The following CEACAM5 variants were observed in gnomAD, a reference collection of about 807,000 sequenced individuals.
CEACAM5 encodes CEA cell adhesion molecule 5.
CEACAM5 carries 52 observed loss-of-function variants against 63.0 expected under a neutral mutation model. The ratio of observed to expected loss-of-function variants is 0.83; its 90% CI spans 0.66 to 1.04. The LOEUF is 1.04. CEACAM5 is among the 50% of genes least tolerant of loss of function. The pLI is 0.00. For missense variants in CEACAM5, 790 were observed against 864.8 expected, an observed-to-expected ratio of 0.91 and a Z score of 1.08; for synonymous variants, 357 against 351.3, an observed-to-expected ratio of 1.02 and a Z score of -0.18.
At chr19:41,718,058 C>G (rs868922624) in intron 5 of CEACAM5, 70 bp from the exon 6 acceptor site, 1 of 1,575,196 alleles carries the variant, frequency 6.3e-7, no homozygotes, top group South Asian at 1.2e-5. Context: ...CACTGTTGCC[C>G]TTTCACAGAC....
At chr19:41,725,873 T>C (rs1445076057) in intron 8 of CEACAM5, among the ~76,000 whole-genome samples, 1 of 152,196 alleles carries the variant, frequency 6.6e-6, no homozygotes, top group Admixed American at 6.5e-5. Context: ...TGGTTTGAGG[T>C]GGTTCTTTTT....
chr19:41,709,537 GAC>G (rs71334990), intron 1 of CEACAM5, 141 bp from the exon 2 acceptor site: 114,556 of 1,065,722 alleles, frequency 0.11, 328 homozygotes, highest in East Asian at 0.15. Context: ...GACCTAGTAG[GAC>G]ACACACACAC....
At chr19:41,728,534 C>T (rs1555817414) in intron 9 of CEACAM5, among the ~76,000 whole-genome samples, 3 of 152,146 alleles carry the variant, frequency 2.0e-5, no homozygotes. Flanking sequence ...GTGGCTCACG[C>T]CTATAATCCC....
Position 41,720,943 on chromosome 19 carries a change from T to C in CEACAM5, c.1793T>C (p.Ile598Thr), listed in dbSNP as rs782299888. 9.3e-6 allele frequency: 15 copies of C among 1,613,754 alleles called. No individual in the cohort carries two copies. In the East Asian group the frequency reaches 3.3e-4, roughly 36 times the overall value. ...CCAGATGGGCCGGACACCCCCATCA[T>C]TTCCCCCCCAGACTCGTCTTACCTT... is the stretch of plus-strand genomic sequence containing the variant. ...DVLYGPDTPI[I>T]SPPDSSYLSG... Residue 598 changes from isoleucine to threonine, a missense_variant, in exon 8 of 10, where the codon ATT becomes ACT. Ile to Thr is a moderately conservative substitution (Grantham distance 89). Transcript: ENST00000221992.
intron 8 of CEACAM5, among the ~76,000 whole-genome samples, chr19:41,722,228 G>A (rs1030507950): frequency 1.3e-5 from 2 of 151,820 alleles, no homozygotes; most frequent in African/African-American, 4.8e-5. Context: ...GCTAGGCATG[G>A]TGGTGGGTGC....
rs782583270 is a variant in CEACAM5, at chr19:41,720,936, C to G, written c.1786C>G (p.Pro596Ala). The part of the protein sequence containing the change: ...TLDVLYGPDT[P>A]IISPPDSSYL... Reference sequence around the variant, plus strand: ...CTTTGTTCCAGATGGGCCGGACACCCCCATCATTTCCCCCCCAGACTCGTC... The same window carrying G: ...CTTTGTTCCAGATGGGCCGGACACCGCCATCATTTCCCCCCCAGACTCGTC... Residue 596 changes from proline to alanine, a missense_variant, in exon 8 of 10, where the codon CCC becomes GCC. Physicochemically the swap from Pro to Ala is conservative, Grantham distance 27. Transcript: ENST00000221992. The G allele has an allele frequency of 1.2e-6, 2 of 1,614,064 alleles. No homozygotes were observed. The highest frequency in any genetic ancestry group is 2.2e-5 in the South Asian group (2 of 91,082).
chr19:41,719,454 C>T (rs982764811), intron 6 of CEACAM5, among the ~76,000 whole-genome samples: 1 of 152,184 alleles, frequency 6.6e-6, no homozygotes, highest in Non-Finnish European at 1.5e-5. Context: ...TAGACTTGCT[C>T]CTGGTCTCCT....
intron 8 of CEACAM5, among the ~76,000 whole-genome samples, chr19:41,721,758 A>T (rs1237658200): frequency 6.6e-6 from 1 of 152,210 alleles, no homozygotes; most frequent in Non-Finnish European, 1.5e-5. Flanking sequence ...AATCTGGGTA[A>T]ATCAAGCTGC....
chr19:41,715,950 C>T (rs1555815000), intron 4 of CEACAM5, 46 bp downstream of exon 4: 1 of 1,590,734 alleles, frequency 6.3e-7, no homozygotes, highest in Admixed American at 1.7e-5. Context: ...GAGGTGGAGT[C>T]TGTCTGGTTT....
Position 41,718,122 on chromosome 19 carries a change from C to T in CEACAM5, c.1238-6C>T. On this transcript the variant is annotated splice_region_variant and splice_polypyrimidine_tract_variant and intron_variant, in intron 5 of 9. Coordinates refer to ENST00000221992, the MANE Select transcript of CEACAM5 (RefSeq NM_004363.6). ...TTCACCTGTGGCCCTATTCTCTTTG[C>T]TCCAGATGGCCCAGACGACCCCACC... is the stretch of plus-strand genomic sequence containing the variant. 1 of 1,614,030 alleles carries T rather than the reference C, an allele frequency of 6.2e-7. No homozygotes were observed. The highest frequency in any genetic ancestry group is 8.5e-7 in the Non-Finnish European group (1 of 1,179,898).
At chr19:41,714,783 G>A (rs1011471899) in intron 2 of CEACAM5, among the ~76,000 whole-genome samples, 188 bp from the exon 3 acceptor site, 23 of 152,190 alleles carry the variant, frequency 1.5e-4, no homozygotes, top group African/African-American at 3.1e-4. Flanking sequence ...CCCCCACACC[G>A]AGCAGGCAGC....
In CEACAM5 at chr19:41,720,980, C is replaced by T. The variant is rs782264062; in HGVS notation, c.1830C>T (p.Asn610=). The change falls in exon 8 of 10, where the codon AAC becomes AAT. Residue 610 remains asparagine, a synonymous_variant. Coordinates refer to ENST00000221992, the MANE Select transcript of CEACAM5 (RefSeq NM_004363.6). ...PPDSSYLSGA[N]LNLSCHSASN... Reference sequence around the variant, plus strand: ...ACTCGTCTTACCTTTCGGGAGCGAACCTCAACCTCTCCTGCCACTCGGCCT... The same window carrying T: ...ACTCGTCTTACCTTTCGGGAGCGAATCTCAACCTCTCCTGCCACTCGGCCT... The T allele has an allele frequency of 6.2e-7, 1 of 1,614,070 alleles. No homozygotes were observed. Among genetic ancestry groups the T allele is most frequent in the Non-Finnish European group, 8.5e-7 (1 of 1,180,010 alleles).
intron 8 of CEACAM5, among the ~76,000 whole-genome samples, chr19:41,726,563 C>T (rs1568713412): frequency 6.6e-6 from 1 of 152,056 alleles, no homozygotes; most frequent in African/African-American, 2.4e-5. Context: ...GATAATTTAC[C>T]GGGGGGAACC....
At position 41,720,133 on chromosome 19, in the gene CEACAM5, G is replaced by A. The variant is rs138799075; in HGVS notation, c.1696G>A (p.Ala566Thr). The change falls in exon 7 of 10, where the codon GCA (alanine) becomes ACA (threonine). Residue 566 changes from alanine to threonine, a missense_variant. Ala to Thr is a moderately conservative substitution (Grantham distance 58, BLOSUM62 0). Transcript: ENST00000221992. ...LTLFNVTRND[A>T]RAYVCGIQNS... ...TCTATTCAATGTCACAAGAAATGAC[G>A]CAAGAGCCTATGTATGTGGAATCCA... 307 of 1,614,248 alleles carry A rather than the reference G, an allele frequency of 1.9e-4. No homozygotes were observed. The highest frequency in any genetic ancestry group is 1.7e-3 in the Middle Eastern group (10 of 6,060).
chr19:41,714,872 G>T, intron 2 of CEACAM5, 99 bp from the exon 3 acceptor site: 1 of 1,577,590 alleles, frequency 6.3e-7, no homozygotes, highest in Non-Finnish European at 8.6e-7. Flanking sequence ...TAAGGGCTCA[G>T]GTGGGCTGAG....
chr19:41,722,700 A>G (rs1052051579), intron 8 of CEACAM5, among the ~76,000 whole-genome samples: 12 of 152,234 alleles, frequency 7.9e-5, no homozygotes, highest in African/African-American at 2.4e-4. Flanking sequence ...AGAACATTCC[A>G]TTGTATGGAT....
intron 2 of CEACAM5, among the ~76,000 whole-genome samples, chr19:41,712,881 A>T (rs557174241): frequency 1.3e-5 from 2 of 152,356 alleles, no homozygotes; most frequent in African/African-American, 4.8e-5. Flanking sequence ...ATAACATGAG[A>T]TCTAAACTCC....
chr19:41,720,796 G>C (rs565573309), intron 7 of CEACAM5, 126 bp from the exon 8 acceptor site: 13 of 1,288,744 alleles, frequency 1.0e-5, no homozygotes, highest in African/African-American at 3.0e-5. Context: ...CACCGCACCC[G>C]GCCGATTTGG....
intron 2 of CEACAM5, among the ~76,000 whole-genome samples, chr19:41,713,319 A>G (rs1212004438): frequency 6.6e-6 from 1 of 151,642 alleles, no homozygotes; most frequent in African/African-American, 2.4e-5. Context: ...AAAGAAAAAG[A>G]AAGAAAAGAA....
Sources: gnomAD v4.1 joint callset for allele counts (sites outside exome capture counted in the v4.1 genomes callset) on GRCh38, gnomAD v4.1.1 for gene constraint, MANE v1.5 for transcripts, NCBI Gene and HGNC (gene_info 2026-07-23, HGNC 2026-07-21) for gene names.